Variants in ADGRL3 observed in about 807,000 individuals in gnomAD.
ADGRL3 encodes the protein adhesion G protein-coupled receptor L3, also known as calcium-independent alpha-latrotoxin receptor 3.
Under a neutral mutation model 153.5 loss-of-function variants are expected in ADGRL3, and 62 were observed. The ratio of observed to expected loss-of-function variants is 0.40; its 90% CI spans 0.33 to 0.50. ADGRL3 has a LOEUF of 0.50. Ranked by LOEUF, ADGRL3 falls within the 20% of genes least tolerant of loss-of-function variation. ADGRL3 has a pLI of 0.47. For missense variants in ADGRL3, 1,641 were observed against 1,859.4 expected (o/e 0.88, Z 2.16); for synonymous variants, 710 against 672.5 (o/e 1.06, Z -0.86).
At chr4:61,646,589 G>A (rs1242582397) in intron 5 of ADGRL3, among the ~76,000 whole-genome samples, 7 of 151,588 alleles carry the variant, frequency 4.6e-5, no homozygotes, top group East Asian at 1.9e-4. Flanking sequence ...TAGGCTGTTC[G>A]GGGGTCAGGG....
At chr4:61,333,003 C>T (rs932206943) in intron 1 of ADGRL3, among the ~76,000 whole-genome samples, 41 of 152,030 alleles carry the variant, frequency 2.7e-4, no homozygotes, top group African/African-American at 8.9e-4. Flanking sequence ...GATTTATTTC[C>T]TCTGTTTCAG....
At chr4:61,684,915 G>A (rs2095414686) in intron 6 of ADGRL3, among the ~76,000 whole-genome samples, 1 of 151,350 alleles carries the variant, frequency 6.6e-6, no homozygotes, top group Non-Finnish European at 1.5e-5. Context: ...TTAATTGTTA[G>A]CACTTTTTTT....
intron 1 of ADGRL3, among the ~76,000 whole-genome samples, chr4:61,351,243 G>C (rs565426272): frequency 2.2e-3 from 334 of 152,290 alleles, no homozygotes; most frequent in Admixed American, 5.9e-3. Flanking sequence ...TTCTGTGAAG[G>C]CTGAGAGATG....
At chr4:61,510,047 T>G (rs2098455044) in intron 3 of ADGRL3, among the ~76,000 whole-genome samples, 3 of 152,250 alleles carry the variant, frequency 2.0e-5, no homozygotes, top group Admixed American at 2.0e-4. Flanking sequence ...TTGTGTTTGT[T>G]GGCCGCTTGT....
At chr4:61,936,187 C>G (rs2098837587) in intron 15 of ADGRL3, 142 bp downstream of exon 15, 1 of 864,564 alleles carries the variant, frequency 1.2e-6, no homozygotes, top group Non-Finnish European at 1.8e-6. Flanking sequence ...CCTCCTCTTC[C>G]TCCTCTTTCT....
intron 9 of ADGRL3, among the ~76,000 whole-genome samples, chr4:61,891,122 G>A (rs1359714099): frequency 6.6e-6 from 1 of 152,138 alleles, no homozygotes; most frequent in African/African-American, 2.4e-5. Context: ...ATATTGAAAT[G>A]ACTATATTGC....
chr4:61,633,131 A>G (rs926110170), intron 5 of ADGRL3, among the ~76,000 whole-genome samples: 10 of 152,012 alleles, frequency 6.6e-5, no homozygotes, highest in Non-Finnish European at 1.3e-4. Flanking sequence ...CCTCATATAC[A>G]TAGTGTTGGA....
chr4:61,327,329 T>A (rs1036610828), intron 1 of ADGRL3, among the ~76,000 whole-genome samples: 2 of 38,228 alleles, frequency 5.2e-5, no homozygotes, highest in Non-Finnish European at 1.8e-4. Context: ...TTTACTCAGT[T>A]TTTTTTTTTT....
chr4:61,384,092 G>T (rs117248145), intron 2 of ADGRL3, among the ~76,000 whole-genome samples: 5 of 151,670 alleles, frequency 3.3e-5, no homozygotes, highest in African/African-American at 1.2e-4. Flanking sequence ...CAAATATTCC[G>T]TACTTTTTTC....
chr4:61,835,491 A>T (rs1038326837), intron 9 of ADGRL3, among the ~76,000 whole-genome samples: 2 of 152,076 alleles, frequency 1.3e-5, no homozygotes, highest in African/African-American at 4.8e-5. Context: ...ATTTTAATTA[A>T]GCTGATGTTT....
intron 1 of ADGRL3, among the ~76,000 whole-genome samples, chr4:61,230,882 C>A (rs79285072): frequency 0.036 from 5,439 of 152,244 alleles, 359 homozygotes; most frequent in African/African-American, 0.12. Flanking sequence ...CAGGAGAGTA[C>A]AGCCTCCTGG....
intron 1 of ADGRL3, among the ~76,000 whole-genome samples, chr4:61,264,969 T>G (rs1482058406): frequency 6.6e-6 from 1 of 151,974 alleles, no homozygotes; most frequent in Non-Finnish European, 1.5e-5. Flanking sequence ...GTGGTTACAG[T>G]TGGTCTATAA....
intron 6 of ADGRL3, among the ~76,000 whole-genome samples, chr4:61,715,722 A>T (rs1370551759): frequency 6.6e-6 from 1 of 152,056 alleles, no homozygotes; most frequent in Non-Finnish European, 1.5e-5. Flanking sequence ...TTTGATAAAC[A>T]TTTATTATTT....
intron 9 of ADGRL3, among the ~76,000 whole-genome samples, chr4:61,887,811 C>T (rs965938066): frequency 2.0e-5 from 3 of 151,902 alleles, no homozygotes; most frequent in Admixed American, 6.6e-5. Flanking sequence ...CACCACTGCA[C>T]TCCAGCTTGG....
chr4:61,660,027 ACT>A (rs1435911306), intron 5 of ADGRL3, among the ~76,000 whole-genome samples: 1 of 152,036 alleles, frequency 6.6e-6, no homozygotes, highest in African/African-American at 2.4e-5. Flanking sequence ...TTCAGGGAGC[ACT>A]CTCAAATGAA....
At chr4:61,349,383 TTAAAGG>T (rs1288645065) in intron 1 of ADGRL3, among the ~76,000 whole-genome samples, 1 of 152,128 alleles carries the variant, frequency 6.6e-6, no homozygotes, top group Non-Finnish European at 1.5e-5. Context: ...GTTTTTTACT[TTAAAGG>T]TAATTAAGTA....
Position 61,629,627 on chromosome 4 carries a change from G to A in ADGRL3, c.473+42187G>A, listed in dbSNP as rs557687441. ...AGCTACTCGGGAGGCTGAGGCAGGAGAATTGCTTAAACTGGGGAGGTGGAG... is the reference window on the plus strand; with the variant it reads ...AGCTACTCGGGAGGCTGAGGCAGGAAAATTGCTTAAACTGGGGAGGTGGAG... On this transcript the variant is annotated intron_variant, in intron 5 of 26. Coordinates refer to ENST00000683033, the MANE Select transcript of ADGRL3 (RefSeq NM_001387552.1). Among the ~76,000 whole-genome samples the A allele has an allele frequency of 2.7e-5, 4 of 147,500 alleles. No individual in the cohort carries two copies. In the East Asian group the frequency reaches 8.4e-4, roughly 31 times the overall value.
intron 21 of ADGRL3, among the ~76,000 whole-genome samples, chr4:62,018,246 G>C (rs971620832): frequency 6.6e-6 from 1 of 152,158 alleles, no homozygotes; most frequent in African/African-American, 2.4e-5. Context: ...ATTAAAAGCA[G>C]AGGAAAAGAC....
At chr4:61,494,891 T>C (rs1320886368) in intron 2 of ADGRL3, among the ~76,000 whole-genome samples, 1 of 152,176 alleles carries the variant, frequency 6.6e-6, no homozygotes, top group Non-Finnish European at 1.5e-5. Context: ...TTGCTTCTTA[T>C]GGATTCACAT....
Sources: allele counts gnomAD v4.1 joint callset (sites outside exome capture counted in the v4.1 genomes callset), GRCh38; gene constraint gnomAD v4.1.1; transcripts MANE v1.5; gene names NCBI Gene and HGNC (gene_info 2026-07-23, HGNC 2026-07-21).